ANO2: variants seen among roughly 807,000 people sequenced by gnomAD.
ANO2 encodes anoctamin-2.
A neutral mutation model predicts 124.2 loss-of-function variants in ANO2; 101 were observed. That is an observed-to-expected ratio of 0.81 (90% CI 0.69 to 0.96). The LOEUF (loss-of-function observed/expected upper bound fraction) is 0.96. Among genes scored for constraint, ANO2 ranks in the 40% least tolerant of loss-of-function variants. ANO2 has a pLI of 0.00. For synonymous variants in ANO2, 486 were observed against 482.5 expected (o/e 1.01, Z -0.09); for missense variants, 1,293 against 1,274.5 (o/e 1.01, Z -0.22).
intron 16 of ANO2, among the ~76,000 whole-genome samples, chr12:5,629,106 T>G (rs1945565655): frequency 6.6e-6 from 1 of 152,176 alleles, no homozygotes; most frequent in South Asian, 2.1e-4. Context: ...TACTCTTTTT[T>G]CAAGCAACTA....
At chr12:5,592,704 C>T (rs373795089) in intron 20 of ANO2, among the ~76,000 whole-genome samples, 3 of 152,174 alleles carry the variant, frequency 2.0e-5, no homozygotes, top group African/African-American at 4.8e-5. Flanking sequence ...ACTTAGGATG[C>T]ATTTCCAGTA....
intron 2 of ANO2, among the ~76,000 whole-genome samples, chr12:5,921,637 G>A (rs1055999518): frequency 6.4e-4 from 97 of 151,982 alleles, no homozygotes; most frequent in African/African-American, 2.3e-3. Flanking sequence ...CTCACACACA[G>A]ACTGTACCTG....
chr12:5,718,567 C>A (rs946587954), intron 14 of ANO2, among the ~76,000 whole-genome samples: 2 of 152,160 alleles, frequency 1.3e-5, no homozygotes, highest in Non-Finnish European at 2.9e-5. Context: ...CATGTTTATG[C>A]GAGGTAAAGG....
At chr12:5,592,961 T>C (rs1479100966) in intron 20 of ANO2, among the ~76,000 whole-genome samples, 2 of 152,224 alleles carry the variant, frequency 1.3e-5, no homozygotes, top group African/African-American at 4.8e-5. Flanking sequence ...GAGAGGAACC[T>C]GCCCTATGCA....
chr12:5,913,967 C>T (rs941252248), intron 3 of ANO2, among the ~76,000 whole-genome samples: 38 of 152,230 alleles, frequency 2.5e-4, no homozygotes, highest in South Asian at 2.1e-4. Flanking sequence ...TTTGGGACGC[C>T]GAGACAGGCG....
intron 7 of ANO2, 94 bp downstream of exon 7, chr12:5,827,675 G>T: frequency 1.4e-6 from 2 of 1,421,984 alleles, no homozygotes; most frequent in Non-Finnish European, 1.9e-6. Context: ...TGCTTGTTTT[G>T]TTCTTTGCTG....
chr12:5,735,005 C>T (rs1426505817), intron 13 of ANO2, among the ~76,000 whole-genome samples: 4 of 152,146 alleles, frequency 2.6e-5, no homozygotes, highest in African/African-American at 4.8e-5. Context: ...GACAAGAATC[C>T]GAAACTCAAA....
chr12:5,835,975 C>T (rs189705161), intron 4 of ANO2, among the ~76,000 whole-genome samples: 13 of 152,310 alleles, frequency 8.5e-5, no homozygotes, highest in African/African-American at 9.6e-5. Context: ...ACCATACCCA[C>T]GTGTCTTTAA....
chr12:5,606,314 T>G (rs942603722), intron 19 of ANO2, among the ~76,000 whole-genome samples: 1 of 152,236 alleles, frequency 6.6e-6, no homozygotes, highest in Admixed American at 6.5e-5. Flanking sequence ...TTTCCTTTGC[T>G]GCTCTTGTTC....
chr12:5,852,828 A>G (rs1398513830), intron 4 of ANO2, among the ~76,000 whole-genome samples: 1 of 150,204 alleles, frequency 6.7e-6, no homozygotes, highest in South Asian at 2.1e-4. Context: ...GCATGTATAC[A>G]ACTACACTAT....
chr12:5,921,867 T>C (rs1941723382), intron 2 of ANO2, among the ~76,000 whole-genome samples: 1 of 152,050 alleles, frequency 6.6e-6, no homozygotes. Context: ...ACAGGCACCA[T>C]GGCCCACACA....
intron 18 of ANO2, 40 bp from the exon 19 acceptor site, chr12:5,612,796 A>T (rs3741837): frequency 4.3e-6 from 7 of 1,612,150 alleles, no homozygotes; most frequent in Non-Finnish European, 5.9e-6. Context: ...TTAGAACAAA[A>T]GGGAGCTCTG....
In ANO2 at chr12:5,862,006, T is replaced by C. The variant is rs1270306435; in HGVS notation, c.535-7865A>G. Reference sequence around the variant, plus strand: ...TGAGGAACACCATAGTCTACCTGTGTCATCGTGAAGATCAAAGCCTTAACT... The same window carrying C: ...TGAGGAACACCATAGTCTACCTGTGCCATCGTGAAGATCAAAGCCTTAACT... On this transcript the variant is annotated intron_variant, in intron 3 of 24. Transcript: ENST00000682330. This position sits in a 1 kb window ranked among gnomAD's most constrained non-coding sequence, Gnocchi z 4.0. Among the ~76,000 whole-genome samples, 1 of 152,182 alleles carries C rather than the reference T, an allele frequency of 6.6e-6. No homozygotes were observed. Among genetic ancestry groups the C allele is most frequent in the Non-Finnish European group, 1.5e-5 (1 of 68,022 alleles).
intron 14 of ANO2, among the ~76,000 whole-genome samples, chr12:5,690,074 T>C (rs756188362): frequency 9.2e-5 from 14 of 152,032 alleles, no homozygotes; most frequent in Non-Finnish European, 1.9e-4. Flanking sequence ...AAGTCAATTC[T>C]CCAGTGATTC....
intron 15 of ANO2, among the ~76,000 whole-genome samples, chr12:5,641,409 C>T (rs1232224201): frequency 1.4e-5 from 2 of 142,494 alleles, no homozygotes; most frequent in Non-Finnish European, 3.0e-5. Flanking sequence ...GAAAACTGGG[C>T]TTTTTTTTAA....
intron 14 of ANO2, among the ~76,000 whole-genome samples, chr12:5,652,247 C>T (rs1004768619): frequency 6.6e-6 from 1 of 152,106 alleles, no homozygotes; most frequent in East Asian, 1.9e-4. Context: ...CCTCTATTTT[C>T]TTTCTTTTAT....
intron 20 of ANO2, among the ~76,000 whole-genome samples, chr12:5,596,313 A>G (rs1462689810): frequency 6.6e-6 from 1 of 152,212 alleles, no homozygotes; most frequent in African/African-American, 2.4e-5. Context: ...ATGTTATGTG[A>G]TAACTTAAAA....
chr12:5,945,466 G>T (rs567086126), upstream of ANO2, among the ~76,000 whole-genome samples: 11 of 152,354 alleles, frequency 7.2e-5, no homozygotes, highest in African/African-American at 2.6e-4. Flanking sequence ...CCCGCGGCCG[G>T]GTTGAGTCCA....
intron 19 of ANO2, among the ~76,000 whole-genome samples, chr12:5,605,524 C>G (rs909738619): frequency 6.6e-6 from 1 of 152,050 alleles, no homozygotes; most frequent in African/African-American, 2.4e-5. Flanking sequence ...CAAAGCATGC[C>G]CAGGAAACAA....
Sources: allele counts gnomAD v4.1 joint callset (sites outside exome capture counted in the v4.1 genomes callset), GRCh38; gene constraint gnomAD v4.1.1; non-coding constraint Gnocchi (gnomAD v3.1); transcripts MANE v1.5; gene names NCBI Gene and HGNC (gene_info 2026-07-23, HGNC 2026-07-21).